The following MYRIP variants were observed in gnomAD, a reference collection of about 807,000 sequenced individuals.
MYRIP encodes the protein rab effector MyRIP.
MYRIP carries 49 observed loss-of-function variants against 98.0 expected under a neutral mutation model. The observed-to-expected ratio is 0.50, with a 90% CI of 0.40 to 0.63. The LOEUF is 0.63. Among genes scored for constraint, MYRIP ranks in the 30% least tolerant of loss-of-function variants. The pLI is 0.00. For synonymous variants in MYRIP, 404 were observed against 409.5 expected, an observed-to-expected ratio of 0.99 and a Z score of 0.16; for missense variants, 1,004 against 1,058.2, an observed-to-expected ratio of 0.95 and a Z score of 0.71.
chr3:40,000,883 A>G (rs1946503966), intron 2 of MYRIP, among the ~76,000 whole-genome samples: 1 of 152,186 alleles, frequency 6.6e-6, no homozygotes, highest in Non-Finnish European at 1.5e-5. Context: ...GATTAGAAAC[A>G]TGCTAGGTTA....
At chr3:40,059,329 C>T (rs924418927) in intron 3 of MYRIP, among the ~76,000 whole-genome samples, 2 of 152,162 alleles carry the variant, frequency 1.3e-5, no homozygotes, top group Non-Finnish European at 2.9e-5. Flanking sequence ...AATGGTATTT[C>T]TGGTTCTAGA....
chr3:40,151,089 T>G lies in MYRIP; in HGVS notation c.374T>G (p.Val125Gly). Reference protein sequence around the residue: ...AQSLEWFYNNVKSRFKRFGSA... With the variant: ...AQSLEWFYNNGKSRFKRFGSA... Reference sequence around the variant, plus strand: ...TCTCTGGAATGGTTCTACAATAATGTGAAGAGCCGCTTCAAGCGCTTTGGC... The same window carrying G: ...TCTCTGGAATGGTTCTACAATAATGGGAAGAGCCGCTTCAAGCGCTTTGGC... Residue 125 changes from valine (V) to glycine (G), a missense_variant, in exon 4 of 17, where the codon GTG becomes GGG. Physicochemically the swap from Val to Gly is moderately radical, Grantham distance 109. Around this residue, in one of 3 missense-constraint regions of MYRIP, gnomAD observed 880 missense variants for 907.7 expected, o/e 0.97. Transcript: ENST00000302541. The G allele has an allele frequency of 2.5e-6, 4 of 1,609,878 alleles. No individual in the cohort carries two copies. The highest frequency in any genetic ancestry group is 3.4e-6 in the Non-Finnish European group (4 of 1,177,858).
At chr3:39,937,110 C>T (rs1030829707) in intron 2 of MYRIP, among the ~76,000 whole-genome samples, 5 of 152,150 alleles carry the variant, frequency 3.3e-5, no homozygotes, top group Admixed American at 6.6e-5. Context: ...CAGGTTAAAT[C>T]ATTTAGTGCT....
chr3:40,160,367 G>A (rs1950357414), intron 4 of MYRIP, among the ~76,000 whole-genome samples: 1 of 152,214 alleles, frequency 6.6e-6, no homozygotes, highest in Admixed American at 6.5e-5. Flanking sequence ...ATCTCCAGCT[G>A]CGTGCTGGGA....
intron 1 of MYRIP, among the ~76,000 whole-genome samples, chr3:39,890,546 T>C (rs930252308): frequency 1.2e-4 from 19 of 152,034 alleles, no homozygotes; most frequent in African/African-American, 4.6e-4. Context: ...AGTTCTTATT[T>C]ATTACTTATT....
intron 2 of MYRIP, among the ~76,000 whole-genome samples, chr3:39,922,117 G>T (rs929778914): frequency 3.3e-5 from 5 of 151,872 alleles, no homozygotes; most frequent in African/African-American, 1.2e-4. Flanking sequence ...TTAGGTTTTT[G>T]TTTTGTTTTG....
chr3:40,210,103 G>C lies in MYRIP; in HGVS notation c.1905+10G>C, dbSNP rs772269929. 1 of 1,612,692 alleles carries C rather than the reference G, an allele frequency of 6.2e-7. No individual in the cohort carries two copies. The highest frequency in any genetic ancestry group is 2.2e-5 in the East Asian group (1 of 44,848). The stretch of plus-strand genomic sequence containing the variant: ...GGAAGAGCTGAAGAAGGTAAGGGCT[G>C]TGAAGCCACCTGCAGACAGCTCAAG... On this transcript the variant is annotated intron_variant, in intron 11 of 16. Transcript: ENST00000302541.
At chr3:40,061,637 T>C (rs1473240997) in intron 3 of MYRIP, among the ~76,000 whole-genome samples, 1 of 152,242 alleles carries the variant, frequency 6.6e-6, no homozygotes. Flanking sequence ...AGTTCTGTTT[T>C]TAGTTCTTTG....
intron 1 of MYRIP, among the ~76,000 whole-genome samples, chr3:39,845,022 T>C (rs1010197996): frequency 5.9e-5 from 9 of 152,230 alleles, no homozygotes; most frequent in African/African-American, 2.2e-4. Context: ...TACTCATATG[T>C]GCTGTATGTC....
At chr3:40,090,294 A>G (rs2125881853) in intron 3 of MYRIP, among the ~76,000 whole-genome samples, 1 of 152,174 alleles carries the variant, frequency 6.6e-6, no homozygotes, top group African/African-American at 2.4e-5. Context: ...CTGTGCTGAA[A>G]TTCACCAAAG....
chr3:40,071,959 GCC>G (rs1396967381), intron 3 of MYRIP, among the ~76,000 whole-genome samples: 1 of 152,102 alleles, frequency 6.6e-6, no homozygotes, highest in Non-Finnish European at 1.5e-5. Context: ...AGAAATGAGG[GCC>G]AGACTCTCTG....
chr3:40,093,136 A>G (rs1445299169), intron 3 of MYRIP, among the ~76,000 whole-genome samples: 4 of 152,194 alleles, frequency 2.6e-5, no homozygotes, highest in Admixed American at 6.5e-5. Context: ...GGACTTACAT[A>G]CAGAAGAGAG....
At chr3:40,206,764 G>A (rs956314367) in intron 10 of MYRIP, among the ~76,000 whole-genome samples, 5 of 152,178 alleles carry the variant, frequency 3.3e-5, no homozygotes, top group Non-Finnish European at 7.4e-5. Flanking sequence ...CATAGTAGGT[G>A]CTCAACATGT....
At chr3:39,838,516 G>T (rs906061203) in intron 1 of MYRIP, among the ~76,000 whole-genome samples, 1 of 152,094 alleles carries the variant, frequency 6.6e-6, no homozygotes, top group Non-Finnish European at 1.5e-5. Flanking sequence ...TACGTTTATT[G>T]ATTTGCATAT....
intron 3 of MYRIP, among the ~76,000 whole-genome samples, chr3:40,130,203 A>G (rs1949607996): frequency 6.6e-6 from 1 of 152,198 alleles, no homozygotes; most frequent in African/African-American, 2.4e-5. Flanking sequence ...TGATGTCTAC[A>G]GTCTGTTCCC....
intron 2 of MYRIP, among the ~76,000 whole-genome samples, chr3:39,988,052 T>G (rs1041666628): frequency 6.6e-6 from 1 of 151,966 alleles, no homozygotes; most frequent in Admixed American, 6.5e-5. Context: ...CAGTAAACTA[T>G]TGCAAGAACA....
chr3:40,035,448 A>G (rs188184949), intron 2 of MYRIP, among the ~76,000 whole-genome samples: 266 of 152,138 alleles, frequency 1.7e-3, no homozygotes, highest in African/African-American at 6.0e-3. Context: ...AGCAGTCTTG[A>G]CTGGAGATTA....
intron 3 of MYRIP, chr3:40,071,192 C>T: frequency 2.0e-6 from 2 of 985,452 alleles, no homozygotes; most frequent in Non-Finnish European, 2.4e-6. Context: ...CCGTAATCTC[C>T]TGGATGCAGA....
chr3:39,856,569 C>T lies in MYRIP; in HGVS notation c.-30-44218C>T, dbSNP rs370102485. 1.5e-4 allele frequency among the ~76,000 whole-genome samples: 23 copies of T among 152,312 alleles called. No individual in the cohort carries two copies. In the East Asian group the frequency reaches 3.7e-3, roughly 24 times the overall value. On this transcript the variant is annotated intron_variant, in intron 1 of 16. Transcript: ENST00000302541. Reference sequence around the variant, plus strand: ...CCCAGCCAAAAGCCCTGCCTGACCACGATCCCAACAAGCAGCCCCTTCCAG... The same window carrying T: ...CCCAGCCAAAAGCCCTGCCTGACCATGATCCCAACAAGCAGCCCCTTCCAG...
Sources: gnomAD v4.1 joint callset for allele counts (sites outside exome capture counted in the v4.1 genomes callset) on GRCh38, gnomAD v4.1.1 for gene constraint, gnomAD v4.1.1 regional missense constraint, MANE v1.5 for transcripts, NCBI Gene and HGNC (gene_info 2026-07-23, HGNC 2026-07-21) for gene names.